IQCM: variants seen among roughly 807,000 people sequenced by gnomAD.
The protein encoded by IQCM is IQ domain-containing protein M.
In IQCM, 45 loss-of-function variants were observed where a neutral mutation model predicts 57.6. The observed-to-expected ratio is 0.78, with a 90% confidence interval of 0.62 to 1.00. The LOEUF (loss-of-function observed/expected upper bound fraction) is 1.00, where lower values mean the gene tolerates loss of function less well. Ranked by LOEUF, IQCM falls within the 50% of genes least tolerant of loss-of-function variation. The probability of loss-of-function intolerance (pLI) is 0.00; values close to 1 mark genes in which losing one functional copy is unlikely to be tolerated. For synonymous variants in IQCM, 148 were observed against 158.9 expected (o/e 0.93, Z 0.51); for missense variants, 468 against 511.6 (o/e 0.91, Z 0.82).
chr4:149,662,903 T>C (rs1760351384), intron 7 of IQCM, among the ~76,000 whole-genome samples: 2 of 152,012 alleles, frequency 1.3e-5, no homozygotes, highest in Non-Finnish European at 2.9e-5. Context: ...ATTTACATTC[T>C]ACATTATTAT....
chr4:149,625,738 T>A (rs977191650), intron 7 of IQCM, among the ~76,000 whole-genome samples: 4 of 152,132 alleles, frequency 2.6e-5, no homozygotes, highest in African/African-American at 9.7e-5. Flanking sequence ...CTAGTTTCTA[T>A]GTCCAGCTTC....
At chr4:149,549,801 G>A (rs1290784679) in intron 11 of IQCM, among the ~76,000 whole-genome samples, 1 of 152,082 alleles carries the variant, frequency 6.6e-6, no homozygotes, top group African/African-American at 2.4e-5. Context: ...CAACCACATG[G>A]ATTTCAGTTT....
intron 12 of IQCM, among the ~76,000 whole-genome samples, chr4:149,489,671 C>T (rs890633640): frequency 4.0e-5 from 6 of 151,778 alleles, no homozygotes; most frequent in African/African-American, 1.5e-4. Context: ...ATTACAGCCA[C>T]CAAGGTACTG....
At chr4:149,680,226 C>G (rs759386072) in intron 7 of IQCM, among the ~76,000 whole-genome samples, 5 of 151,264 alleles carry the variant, frequency 3.3e-5, no homozygotes, top group African/African-American at 9.7e-5. Flanking sequence ...AATTGTAAAA[C>G]TTTTTACTTT....
chr4:149,751,506 T>A (rs1473365587), intron 2 of IQCM, among the ~76,000 whole-genome samples: 1 of 152,182 alleles, frequency 6.6e-6, no homozygotes, highest in Non-Finnish European at 1.5e-5. Context: ...CTTAAGGTCC[T>A]GAATCCTGGG....
chr4:149,532,085 C>T (rs1579388805), intron 12 of IQCM, among the ~76,000 whole-genome samples: 1 of 152,124 alleles, frequency 6.6e-6, no homozygotes, highest in East Asian at 1.9e-4. Flanking sequence ...TGTTGGGTGA[C>T]TCATGCTTGG....
chr4:149,603,577 C>T (rs915267972), intron 8 of IQCM, among the ~76,000 whole-genome samples: 3 of 152,044 alleles, frequency 2.0e-5, no homozygotes, highest in African/African-American at 7.2e-5. Context: ...TCCATCTAGC[C>T]AATGCAACAT....
intron 7 of IQCM, among the ~76,000 whole-genome samples, chr4:149,644,003 A>C (rs1758427655): frequency 6.6e-6 from 1 of 152,192 alleles, no homozygotes; most frequent in Admixed American, 6.5e-5. Flanking sequence ...TGGTGACCAA[A>C]CATCCAGTTT....
chr4:149,356,036 T>G (rs2110882833), intron 13 of IQCM, among the ~76,000 whole-genome samples: 1 of 152,352 alleles, frequency 6.6e-6, no homozygotes, highest in African/African-American at 2.4e-5. Context: ...GCTGCATAAA[T>G]GTCTTCTTTT....
Position 149,399,188 on chromosome 4 carries a change from T to C in IQCM, c.1390+34208A>G, listed in dbSNP as rs117736854. ...TCAAGGCTCTTGTCTCTGAGTCATA[T>C]GGTGCCTCCTTCCATTCCTTCAGGT... is the stretch of plus-strand genomic sequence containing the variant. On this transcript the variant is annotated intron_variant, in intron 13 of 13. Transcript: ENST00000636793. 2.6e-5 allele frequency among the ~76,000 whole-genome samples: 4 copies of C among 152,192 alleles called. No homozygotes were observed. The East Asian group carries it at 7.8e-4, about 30-fold the overall frequency.
chr4:149,702,324 A>T (rs1763834209), intron 5 of IQCM, among the ~76,000 whole-genome samples: 1 of 151,420 alleles, frequency 6.6e-6, no homozygotes, highest in African/African-American at 2.4e-5. Flanking sequence ...ACACACACAC[A>T]CACACACCCA....
At chr4:149,732,171 A>C (rs1446907112) in intron 5 of IQCM, among the ~76,000 whole-genome samples, 13 of 152,178 alleles carry the variant, frequency 8.5e-5, no homozygotes, top group Admixed American at 8.5e-4. Context: ...ATTAAACATA[A>C]GTTCAAATTC....
intron 2 of IQCM, among the ~76,000 whole-genome samples, chr4:149,780,665 G>A (rs369379227): frequency 1.4e-4 from 22 of 152,058 alleles, no homozygotes; most frequent in African/African-American, 3.4e-4. Context: ...AAGAAAAACC[G>A]TTCCTAAATT....
intron 12 of IQCM, among the ~76,000 whole-genome samples, chr4:149,541,498 G>A (rs536111715): frequency 2.0e-5 from 3 of 152,080 alleles, no homozygotes; most frequent in African/African-American, 4.8e-5. Context: ...CATTTCTAAA[G>A]ACTAGACAGA....
intron 12 of IQCM, among the ~76,000 whole-genome samples, chr4:149,543,956 A>G (rs943721265): frequency 5.3e-5 from 8 of 152,182 alleles, no homozygotes; most frequent in African/African-American, 1.2e-4. Flanking sequence ...ACTAGGATAT[A>G]GCAGTGGCAA....
intron 3 of IQCM, among the ~76,000 whole-genome samples, chr4:149,737,331 T>C (rs1410459040): frequency 2.0e-5 from 3 of 152,294 alleles, no homozygotes; most frequent in South Asian, 4.1e-4. Context: ...TGTATGTACA[T>C]TTTACATCAA....
At chr4:149,707,771 C>G (rs1580076785) in intron 5 of IQCM, among the ~76,000 whole-genome samples, 2 of 152,042 alleles carry the variant, frequency 1.3e-5, no homozygotes, top group East Asian at 3.9e-4. Context: ...CTGCCTATAC[C>G]CATGAAACTG....
chr4:149,495,383 TG>T (rs1268765658), intron 12 of IQCM, among the ~76,000 whole-genome samples: 1 of 152,134 alleles, frequency 6.6e-6, no homozygotes, highest in African/African-American at 2.4e-5. Context: ...CCCATGTTAC[TG>T]GTGAAAGCTC....
intron 12 of IQCM, among the ~76,000 whole-genome samples, chr4:149,481,122 A>G: frequency 6.6e-6 from 1 of 152,054 alleles, no homozygotes; most frequent in Non-Finnish European, 1.5e-5. Context: ...TTTCCTAGAC[A>G]GTTGTTTGAA....
Sources: allele counts gnomAD v4.1 joint callset (sites outside exome capture counted in the v4.1 genomes callset), GRCh38; gene constraint gnomAD v4.1.1; transcripts MANE v1.5; gene names NCBI Gene and HGNC (gene_info 2026-07-23, HGNC 2026-07-21).